MDN1: variants seen among roughly 807,000 people sequenced by gnomAD.
MDN1 encodes the protein midasin.
MDN1 carries 266 observed loss-of-function variants against 669.2 expected under a neutral mutation model. The observed-to-expected ratio is 0.40, with a 90% confidence interval of 0.36 to 0.44. The LOEUF (loss-of-function observed/expected upper bound fraction) is 0.44, where lower values mean the gene tolerates loss of function less well. Ranked by LOEUF, MDN1 falls within the 20% of genes least tolerant of loss-of-function variation. The pLI is 1.00. For synonymous variants in MDN1, 2,385 were observed against 2,457.1 expected, an observed-to-expected ratio of 0.97 and a Z score of 0.87; for missense variants, 5,940 against 6,754.0, an observed-to-expected ratio of 0.88 and a Z score of 4.22.
rs1018847149 is a variant in MDN1 at position 89,699,126 on chromosome 6, T to C, written c.8998-91A>G. On this transcript the variant is annotated intron_variant, in intron 58 of 101. Transcript: ENST00000369393. ...CTTTCTTCTAAGGCCCATCTAAAAC[T>C]GTCATAAGTTTAAAGGTATTAATCC... The C allele has an allele frequency of 1.7e-5, 20 of 1,199,276 alleles. No individual in the cohort carries two copies. The African/African-American group carries it at 2.8e-4, about 17-fold the overall frequency. The allele number at this position is 1,199,276 out of a possible 1,614,324, so 74.3% of individuals were successfully genotyped here. A position where few individuals can be genotyped will look rare whatever the true frequency, so the allele number is the denominator to read the frequency against.
chr6:89,796,680 G>C (rs1189615929), intron 2 of MDN1, among the ~76,000 whole-genome samples: 1 of 152,118 alleles, frequency 6.6e-6, no homozygotes, highest in Non-Finnish European at 1.5e-5. Context: ...AGAAATCTCT[G>C]TACCTTCCTC....
rs774831233 is a variant in MDN1 at position 89,662,068 on chromosome 6, A to G, written c.14565+19T>C. 3 of 1,605,774 alleles carry G rather than the reference A, an allele frequency of 1.9e-6. No individual in the cohort carries two copies. The South Asian group carries it at 3.4e-5, about 18-fold the overall frequency. On this transcript the variant is annotated intron_variant, in intron 87 of 101. Transcript: ENST00000369393. ...TGGCCTTGAGTCAAGAGAGCGGATC[A>G]GTTTCAAATCTTCATTACCTCATCT...
rs762490439 is a variant in MDN1, at chr6:89,652,179, A to G, written c.15915+13T>C. The stretch of plus-strand genomic sequence containing the variant: ...GAGATATTTTATGAAAAAAACAGTG[A>G]GCAGTGACTTACCTCCTCTGGGTTT... On this transcript the variant is annotated intron_variant, in intron 95 of 101. Coordinates refer to ENST00000369393, the MANE Select transcript of MDN1 (RefSeq NM_014611.3). The G allele has an allele frequency of 6.2e-7, 1 of 1,606,664 alleles. No individual in the cohort carries two copies. Among genetic ancestry groups the G allele is most frequent in the South Asian group, 1.1e-5 (1 of 90,462 alleles).
chr6:89,699,167 TC>T lies in MDN1; in HGVS notation c.8998-133del, dbSNP rs1028756101. 1.3e-5 allele frequency: 10 copies of T among 762,194 alleles called. No homozygotes were observed. In the African/African-American group the frequency reaches 1.4e-4, roughly 11 times the overall value. 47.2% of individuals were successfully genotyped at this position (762,194 alleles called of 1,614,324 possible). On this transcript the variant is annotated intron_variant, in intron 58 of 101. Coordinates refer to ENST00000369393, the MANE Select transcript of MDN1 (RefSeq NM_014611.3). ...GTATTAATCCAAATTTTTCCGTTTC[TC>T]TGCCACCCCAGTCAACTTGGTCAAG...
chr6:89,784,386 C>T (rs978028604), intron 9 of MDN1, among the ~76,000 whole-genome samples: 3 of 152,108 alleles, frequency 2.0e-5, no homozygotes, highest in African/African-American at 7.2e-5. Context: ...TATATACCTA[C>T]ATCAATAAAG....
In MDN1 at chr6:89,703,591, T is replaced by C. The variant is rs1490361996; in HGVS notation, c.8149-1530A>G. 3.9e-5 allele frequency among the ~76,000 whole-genome samples: 6 copies of C among 152,292 alleles called. No individual in the cohort carries two copies. In the South Asian group the frequency reaches 1.0e-3, roughly 26 times the overall value. ...AGTCAAAGCTATTTTCATAATATCA[T>C]GTTATTTGCCATTTTCACTATGATG... On this transcript the variant is annotated intron_variant, in intron 53 of 101. Transcript: ENST00000369393.
intron 1 of MDN1, among the ~76,000 whole-genome samples, chr6:89,809,923 A>G (rs1768277449): frequency 7.1e-6 from 1 of 141,494 alleles, no homozygotes; most frequent in Non-Finnish European, 1.5e-5. Context: ...CCTGGAAGGT[A>G]GAGGCTGCAG....
intron 70 of MDN1, among the ~76,000 whole-genome samples, chr6:89,685,247 C>T (rs1402808276): frequency 5.9e-5 from 9 of 152,110 alleles, no homozygotes; most frequent in Non-Finnish European, 1.3e-4. Context: ...AGATGATGTA[C>T]TCCTAGGTTC....
Position 89,674,415 on chromosome 6 carries a change from G to A in MDN1, c.12936C>T (p.Pro4312=), listed in dbSNP as rs975740156. Residue 4312 remains proline (P), a synonymous_variant, in exon 79 of 102, where the codon CCC becomes CCT. Transcript: ENST00000369393. ...EQLSWLLQCC[P]SVGPAPGHGN... ...CATGGCCTGGAGCTGGCCCTACACTGGGGCAGCACTGGAGGAGCCAGGAGA... is the reference window on the plus strand; with the variant it reads ...CATGGCCTGGAGCTGGCCCTACACTAGGGCAGCACTGGAGGAGCCAGGAGA... The A allele has an allele frequency of 5.6e-6, 9 of 1,614,156 alleles. No individual in the cohort carries two copies. Among genetic ancestry groups the A allele is most frequent in the Non-Finnish European group, 5.9e-6 (7 of 1,180,018 alleles).
intron 7 of MDN1, among the ~76,000 whole-genome samples, chr6:89,788,678 T>C (rs1819095692): frequency 6.6e-6 from 1 of 152,174 alleles, no homozygotes; most frequent in East Asian, 1.9e-4. Flanking sequence ...AATAATTCCA[T>C]TTTTTATTTT....
chr6:89,743,596 TCACTGGCCGCAGGC>T lies in MDN1; in HGVS notation c.4283_4296del (p.Gly1428GlufsTer11), dbSNP rs752585702. 1.2e-6 allele frequency: 2 copies of T among 1,613,838 alleles called. No homozygotes were observed. The highest frequency in any genetic ancestry group is 2.7e-5 in the African/African-American group (2 of 75,026). ...CAAACCTTGTCGTTTGGCTTTTGTC[TCACTGGCCGCAGGC>T]CACCCAGGAAGTCTGATGTCTCCAT... On this transcript the variant is annotated frameshift_variant, in exon 30 of 102. Transcript: ENST00000369393. LOFTEE classifies it high-confidence loss of function.
intron 1 of MDN1, among the ~76,000 whole-genome samples, chr6:89,807,241 C>T (rs1768082186): frequency 6.6e-6 from 1 of 152,112 alleles, no homozygotes; most frequent in African/African-American, 2.4e-5. Flanking sequence ...CACACACTAC[C>T]ATGCCTGGCT....
At chr6:89,805,654 A>G (rs886170657) in intron 1 of MDN1, among the ~76,000 whole-genome samples, 6 of 152,198 alleles carry the variant, frequency 3.9e-5, no homozygotes, top group African/African-American at 1.4e-4. Context: ...TTTTGCCAAA[A>G]TTATCACCCA....
At chr6:89,725,151 A>G (rs1815133525) in intron 38 of MDN1, 48 bp downstream of exon 38, 1 of 1,547,300 alleles carries the variant, frequency 6.5e-7, no homozygotes, top group Non-Finnish European at 8.9e-7. Flanking sequence ...TAGTAGTCTT[A>G]TCCCCTCCGA....
At position 89,661,410 on chromosome 6, in the gene MDN1, C is replaced by G. The variant is rs1809753612; in HGVS notation, c.14713+21G>C. 3 of 1,607,824 alleles carry G rather than the reference C, an allele frequency of 1.9e-6. No homozygotes were observed. The South Asian group carries it at 3.3e-5, about 18-fold the overall frequency. On this transcript the variant is annotated intron_variant, in intron 88 of 101. Coordinates refer to ENST00000369393, the MANE Select transcript of MDN1 (RefSeq NM_014611.3). The stretch of plus-strand genomic sequence containing the variant: ...CACTAATGTGAGTTCTAACCGGTCT[C>G]TTTGTTTCTGAAAGACGCACCTTCT...
chr6:89,714,275 C>T (rs1391770549), intron 46 of MDN1, among the ~76,000 whole-genome samples: 2 of 152,022 alleles, frequency 1.3e-5, no homozygotes, highest in East Asian at 3.9e-4. Context: ...AACCTCAGTG[C>T]GTAAAGTGGA....
Position 89,819,630 on chromosome 6 carries a change from C to G in MDN1, c.-23G>C. 1 of 1,587,220 alleles carries G rather than the reference C, an allele frequency of 6.3e-7. No individual in the cohort carries two copies. The highest frequency in any genetic ancestry group is 8.6e-7 in the Non-Finnish European group (1 of 1,168,624). The stretch of plus-strand genomic sequence containing the variant: ...CATGACCCAGGGCCCTCACCCCGAG[C>G]GGCCACCTGCGCTCCCTACTTCGCG... On this transcript the variant is annotated 5_prime_UTR_variant, in exon 1 of 102. Coordinates refer to ENST00000369393, the MANE Select transcript of MDN1 (RefSeq NM_014611.3).
At chr6:89,724,418 G>A (rs1447934375) in intron 38 of MDN1, among the ~76,000 whole-genome samples, 5 of 152,110 alleles carry the variant, frequency 3.3e-5, no homozygotes, top group Admixed American at 1.3e-4. Flanking sequence ...CAGTAGCTGG[G>A]ATTACAGGCA....
intron 11 of MDN1, among the ~76,000 whole-genome samples, chr6:89,779,106 G>A (rs1376553536): frequency 6.6e-6 from 1 of 151,766 alleles, no homozygotes; most frequent in African/African-American, 2.4e-5. Context: ...ATTTCATAAA[G>A]GTATTTGGTC....
Sources: allele counts gnomAD v4.1 joint callset (sites outside exome capture counted in the v4.1 genomes callset), GRCh38; gene constraint gnomAD v4.1.1; transcripts MANE v1.5; gene names NCBI Gene and HGNC (gene_info 2026-07-23, HGNC 2026-07-21).